Variants in PRKAG2 observed in about 807,000 individuals in gnomAD.
The protein encoded by PRKAG2 is 5'-AMP-activated protein kinase subunit gamma-2.
In PRKAG2, 26 loss-of-function variants were observed where a neutral mutation model predicts 69.6. The ratio of observed to expected loss-of-function variants is 0.37; its 90% CI spans 0.27 to 0.52. PRKAG2 has a LOEUF of 0.52. Among genes scored for constraint, PRKAG2 ranks in the 20% least tolerant of loss-of-function variants. PRKAG2 has a pLI of 0.90. For missense variants in PRKAG2, 557 were observed against 740.0 expected (o/e 0.75, Z 2.87); for synonymous variants, 293 against 285.0 (o/e 1.03, Z -0.28).
At chr7:151,743,781 T>C (rs2074066002) in intron 3 of PRKAG2, among the ~76,000 whole-genome samples, 1 of 152,212 alleles carries the variant, frequency 6.6e-6, no homozygotes, top group South Asian at 2.1e-4. Flanking sequence ...GTCCTGTTCC[T>C]GGAGGACGCT....
intron 1 of PRKAG2, among the ~76,000 whole-genome samples, chr7:151,843,565 G>C (rs1297136005): frequency 6.6e-6 from 1 of 152,194 alleles, no homozygotes; most frequent in Non-Finnish European, 1.5e-5. Flanking sequence ...TTTTCAAAGA[G>C]AATAAATGGA....
At chr7:151,751,483 A>G (rs1433241484) in intron 3 of PRKAG2, among the ~76,000 whole-genome samples, 1 of 150,164 alleles carries the variant, frequency 6.7e-6, no homozygotes, top group East Asian at 2.0e-4. Context: ...TCTTTATTTC[A>G]TTGAACTACT....
intron 1 of PRKAG2, among the ~76,000 whole-genome samples, chr7:151,867,051 G>A (rs538307881): frequency 6.6e-6 from 1 of 152,290 alleles, no homozygotes; most frequent in African/African-American, 2.4e-5. Context: ...AGCAGTGGGA[G>A]GAGGGGACGC....
chr7:151,810,714 G>A (rs902663818), intron 1 of PRKAG2: 1 of 153,878 alleles, frequency 6.5e-6, no homozygotes, highest in Non-Finnish European at 1.5e-5. Context: ...CTAAGGAGCT[G>A]CAGCCATTAT....
chr7:151,670,634 T>A (rs1426948343), intron 4 of PRKAG2, among the ~76,000 whole-genome samples: 1 of 152,230 alleles, frequency 6.6e-6, no homozygotes, highest in Non-Finnish European at 1.5e-5. Flanking sequence ...CACACTCCAT[T>A]GTAATGAATT....
rs1056527371 is a variant in PRKAG2 at position 151,814,994 on chromosome 7, C to T, written c.115-28453G>A. 8 of 396,436 alleles carry T rather than the reference C, an allele frequency of 2.0e-5. No individual in the cohort carries two copies. Among genetic ancestry groups the T allele is most frequent in the South Asian group, 1.0e-4 (1 of 9,574 alleles). The allele number at this position is 396,436 out of a possible 1,614,324, so 24.6% of individuals were successfully genotyped here. A position where few individuals can be genotyped will look rare whatever the true frequency, so the allele number is the denominator to read the frequency against. ...TGCAGCAGTGGACAGCTCTGGGCTC[C>T]AGGTCCTCTGGCCAGCACAACCCCT... On this transcript the variant is annotated intron_variant, in intron 1 of 15. Transcript: ENST00000287878. The surrounding 1 kb of genome is among the most constrained non-coding windows in gnomAD (Gnocchi z 4.8).
intron 4 of PRKAG2, among the ~76,000 whole-genome samples, chr7:151,636,575 C>T (rs549518782): frequency 2.0e-3 from 304 of 152,250 alleles, no homozygotes; most frequent in African/African-American, 6.9e-3. Context: ...GTGGTTTCCA[C>T]TTTTTGGCTG....
intron 4 of PRKAG2, among the ~76,000 whole-genome samples, chr7:151,645,162 C>T (rs1173843099): frequency 6.6e-6 from 1 of 152,170 alleles, no homozygotes; most frequent in Middle Eastern, 3.2e-3. Context: ...TTCTAGCCAA[C>T]AGTATTCAGC....
intron 5 of PRKAG2, among the ~76,000 whole-genome samples, chr7:151,605,936 C>CAA (rs560080587): frequency 0.031 from 2,771 of 90,820 alleles, 145 homozygotes; most frequent in African/African-American, 0.099. Context: ...GACTCCGTCT[C>CAA]AAAAAAAAAA....
In PRKAG2 at chr7:151,876,803, C is replaced by T. The variant is rs1255726330; in HGVS notation, c.-183G>A. ...CGCGCGGCCGCCGCCGCCGCCGAAG[C>T]GCCGAATTCAAGCGTCCTTTCCTAC... On this transcript the variant is annotated 5_prime_UTR_variant, in exon 1 of 16. Coordinates refer to ENST00000287878, the MANE Select transcript of PRKAG2 (RefSeq NM_016203.4). 1 of 665,468 alleles carries T rather than the reference C, an allele frequency of 1.5e-6. No homozygotes were observed. Among genetic ancestry groups the T allele is most frequent in the East Asian group, 2.7e-5 (1 of 36,524 alleles). The allele number at this position is 665,468 out of a possible 1,614,324, so 41.2% of individuals were successfully genotyped here.
chr7:151,758,019 T>C (rs768763004), intron 3 of PRKAG2, among the ~76,000 whole-genome samples: 5 of 152,180 alleles, frequency 3.3e-5, no homozygotes, highest in Non-Finnish European at 7.4e-5. Context: ...CTTCCCCGGG[T>C]GTCAGAGTAT....
At chr7:151,794,525 G>A (rs946735218) in intron 1 of PRKAG2, among the ~76,000 whole-genome samples, 9 of 152,352 alleles carry the variant, frequency 5.9e-5, no homozygotes, top group Middle Eastern at 3.4e-3. Flanking sequence ...GGCGAGGGCC[G>A]CTGGCCGAGG....
At chr7:151,671,824 G>GGCTT (rs1001372150) in intron 4 of PRKAG2, among the ~76,000 whole-genome samples, 26 of 152,154 alleles carry the variant, frequency 1.7e-4, no homozygotes, top group Non-Finnish European at 1.0e-4. Flanking sequence ...TGGGGTGAGG[G>GGCTT]GCTTGCTTAC....
chr7:151,672,603 G>A (rs540208662), intron 4 of PRKAG2, among the ~76,000 whole-genome samples: 3 of 151,884 alleles, frequency 2.0e-5, no homozygotes, highest in East Asian at 1.9e-4. Context: ...TGACTCTAGG[G>A]ACTCCTATAA....
intron 1 of PRKAG2, among the ~76,000 whole-genome samples, chr7:151,871,597 A>G (rs2080221174): frequency 6.6e-6 from 1 of 152,220 alleles, no homozygotes; most frequent in Non-Finnish European, 1.5e-5. Flanking sequence ...TCCCTTCCCC[A>G]GTACACAGCC....
chr7:151,820,186 C>T (rs548932882), intron 1 of PRKAG2, among the ~76,000 whole-genome samples: 6 of 152,348 alleles, frequency 3.9e-5, no homozygotes, highest in Admixed American at 3.3e-4. Context: ...CTATTCACGC[C>T]GGCAGCTGGA....
intron 15 of PRKAG2, chr7:151,559,767 C>T: frequency 5.1e-6 from 5 of 985,358 alleles, no homozygotes; most frequent in Non-Finnish European, 6.0e-6. Flanking sequence ...GCTGTTTGCT[C>T]CCACATCGGG....
intron 3 of PRKAG2, among the ~76,000 whole-genome samples, chr7:151,762,853 G>T (rs1185363503): frequency 6.6e-6 from 1 of 152,190 alleles, no homozygotes; most frequent in African/African-American, 2.4e-5. Flanking sequence ...TGCCCACAGC[G>T]CGGCTCCCTG....
At chr7:151,792,797 G>A (rs1045707416) in intron 1 of PRKAG2, among the ~76,000 whole-genome samples, 11 of 152,206 alleles carry the variant, frequency 7.2e-5, no homozygotes, top group East Asian at 1.9e-4. Context: ...TGCATTCTCC[G>A]CTCCTGCTGA....
Sources: gnomAD v4.1 joint callset for allele counts (sites outside exome capture counted in the v4.1 genomes callset) on GRCh38, gnomAD v4.1.1 for gene constraint, Gnocchi (gnomAD v3.1) non-coding constraint, MANE v1.5 for transcripts, NCBI Gene and HGNC (gene_info 2026-07-23, HGNC 2026-07-21) for gene names.